Variants in CNTNAP2 observed in about 807,000 individuals in gnomAD.
The protein encoded by CNTNAP2 is contactin associated protein 2.
CNTNAP2 carries 98 observed loss-of-function variants against 155.2 expected under a neutral mutation model. The ratio of observed to expected loss-of-function variants is 0.63; its 90% CI spans 0.54 to 0.75. The LOEUF is 0.75. Among genes scored for constraint, CNTNAP2 ranks in the 30% least tolerant of loss-of-function variants. CNTNAP2 has a pLI of 0.00. For missense variants in CNTNAP2, 1,727 were observed against 1,688.1 expected (o/e 1.02, Z -0.40); for synonymous variants, 651 against 631.2 (o/e 1.03, Z -0.47).
chr7:148,256,796 G>A (rs1013986501), intron 20 of CNTNAP2, among the ~76,000 whole-genome samples: 2 of 152,126 alleles, frequency 1.3e-5, no homozygotes, highest in African/African-American at 4.8e-5. Context: ...AGACCCAGGC[G>A]TAGGCTTAGG....
At chr7:147,414,440 A>G (rs1584934782) in intron 10 of CNTNAP2, among the ~76,000 whole-genome samples, 2 of 151,892 alleles carry the variant, frequency 1.3e-5, no homozygotes, top group East Asian at 1.9e-4. Flanking sequence ...ATTAAAAAAA[A>G]AAAAAAAAAA....
At chr7:148,352,614 G>T (rs987621167) in intron 21 of CNTNAP2, among the ~76,000 whole-genome samples, 1 of 152,198 alleles carries the variant, frequency 6.6e-6, no homozygotes, top group African/African-American at 2.4e-5. Flanking sequence ...CCCTGGGCAG[G>T]GGCAGGCTCA....
intron 9 of CNTNAP2, among the ~76,000 whole-genome samples, chr7:147,306,128 G>A (rs529975831): frequency 6.6e-6 from 1 of 152,126 alleles, no homozygotes; most frequent in African/African-American, 2.4e-5. Context: ...TTCACAGTTA[G>A]GACTTCAGTG....
At chr7:146,534,076 A>G (rs1258828516) in intron 1 of CNTNAP2, among the ~76,000 whole-genome samples, 1 of 152,126 alleles carries the variant, frequency 6.6e-6, no homozygotes, top group East Asian at 1.9e-4. Flanking sequence ...TTTATAATGG[A>G]AGTTTGCATT....
intron 1 of CNTNAP2, among the ~76,000 whole-genome samples, chr7:146,550,399 C>CTTTTT (rs1584977002): frequency 3.5e-4 from 11 of 31,538 alleles, no homozygotes; most frequent in South Asian, 2.6e-3. Context: ...GTCCATTAAT[C>CTTTTT]TGTTTTTTTT....
At chr7:147,237,047 CTCTTTTTTTTTTTT>C (rs1803822178) in intron 8 of CNTNAP2, among the ~76,000 whole-genome samples, 1 of 97,910 alleles carries the variant, frequency 1.0e-5, no homozygotes, top group Non-Finnish European at 2.2e-5. Context: ...CCTTCACCTC[CTCTTTTTTTTTTTT>C]TTTTTTTTTT....
At chr7:146,931,960 A>G (rs1388459925) in intron 3 of CNTNAP2, among the ~76,000 whole-genome samples, 1 of 151,834 alleles carries the variant, frequency 6.6e-6, no homozygotes, top group Non-Finnish European at 1.5e-5. Context: ...TTACCAACCA[A>G]AAAGAGTCCA....
At chr7:148,175,817 C>T (rs2972122) in intron 18 of CNTNAP2, among the ~76,000 whole-genome samples, 98,725 of 151,758 alleles carry the variant, frequency 0.65, 33,299 homozygotes, top group African/African-American at 0.83. Flanking sequence ...TCTGTTTTTC[C>T]CTCCTCTCCT....
chr7:148,137,305 G>A (rs1446560432), intron 16 of CNTNAP2, among the ~76,000 whole-genome samples: 4 of 152,282 alleles, frequency 2.6e-5, no homozygotes, highest in East Asian at 1.9e-4. Flanking sequence ...CTCTTGTGAC[G>A]ATTCTAAGGC....
At chr7:147,561,943 G>C (rs1319214874) in intron 11 of CNTNAP2, among the ~76,000 whole-genome samples, 195 bp from the exon 12 acceptor site, 1 of 152,182 alleles carries the variant, frequency 6.6e-6, no homozygotes, top group Non-Finnish European at 1.5e-5. Flanking sequence ...GGAGCTTGCT[G>C]TCTTTGGTAG....
At chr7:148,288,000 C>T (rs1303428352) in intron 21 of CNTNAP2, among the ~76,000 whole-genome samples, 1 of 151,714 alleles carries the variant, frequency 6.6e-6, no homozygotes, top group Non-Finnish European at 1.5e-5. Flanking sequence ...CCATGTTGGC[C>T]AGGATGGTCT....
chr7:146,117,211 G>C, intron 1 of CNTNAP2: 1 of 555,686 alleles, frequency 1.8e-6, no homozygotes, highest in Admixed American at 3.0e-5. Context: ...TGGTCTTGGT[G>C]ATCGGTTGGC....
intron 1 of CNTNAP2, among the ~76,000 whole-genome samples, chr7:146,557,527 T>A (rs1798215116): frequency 6.6e-6 from 1 of 152,068 alleles, no homozygotes; most frequent in South Asian, 2.1e-4. Flanking sequence ...ATGTATAGAA[T>A]TAAAGACTTT....
intron 8 of CNTNAP2, among the ~76,000 whole-genome samples, chr7:147,270,701 C>T (rs903836269): frequency 6.6e-6 from 1 of 152,176 alleles, no homozygotes; most frequent in Non-Finnish European, 1.5e-5. Context: ...ACAGGCTGTT[C>T]CTGTAAATGC....
intron 1 of CNTNAP2, among the ~76,000 whole-genome samples, chr7:146,546,438 AT>A (rs1798030809): frequency 6.6e-6 from 1 of 151,958 alleles, no homozygotes; most frequent in African/African-American, 2.4e-5. Flanking sequence ...AGTGTAAACA[AT>A]GTTTCCAGAG....
chr7:147,529,935 A>C (rs941622439), intron 11 of CNTNAP2, among the ~76,000 whole-genome samples: 3 of 152,238 alleles, frequency 2.0e-5, no homozygotes, highest in African/African-American at 4.8e-5. Context: ...AAGTTTAACT[A>C]TCTCTCTGGC....
chr7:146,856,261 T>TATAGATAG (rs72247117), intron 3 of CNTNAP2, among the ~76,000 whole-genome samples: 6,018 of 135,012 alleles, frequency 0.045, 185 homozygotes, highest in East Asian at 0.078. Flanking sequence ...AGATGATAGA[T>TATAGATAG]ATAGATAGAT....
chr7:147,262,310 C>T (rs971465499), intron 8 of CNTNAP2, among the ~76,000 whole-genome samples: 4 of 152,176 alleles, frequency 2.6e-5, no homozygotes, highest in African/African-American at 4.8e-5. Context: ...GGGTGTGTTA[C>T]GGGCTGAACT....
chr7:147,196,053 G>A (rs1802793029), intron 8 of CNTNAP2, among the ~76,000 whole-genome samples: 1 of 152,096 alleles, frequency 6.6e-6, no homozygotes, highest in Admixed American at 6.6e-5. Flanking sequence ...GGGGAAATTA[G>A]GACACAGACC....
Sources: allele counts gnomAD v4.1 joint callset (sites outside exome capture counted in the v4.1 genomes callset), GRCh38; gene constraint gnomAD v4.1.1; transcripts MANE v1.5; gene names NCBI Gene and HGNC (gene_info 2026-07-23, HGNC 2026-07-21).